The following DPP6 variants were observed in gnomAD, a reference collection of about 807,000 sequenced individuals.
The protein encoded by DPP6 is A-type potassium channel modulatory protein DPP6.
Under a neutral mutation model 122.6 loss-of-function variants are expected in DPP6, and 69 were observed. The observed-to-expected ratio is 0.56, with a 90% CI of 0.46 to 0.69. DPP6 has a LOEUF of 0.69. Ranked by LOEUF, DPP6 falls within the 30% of genes least tolerant of loss-of-function variation. The pLI, the probability that DPP6 is intolerant of heterozygous loss-of-function variation, is 0.00. For synonymous variants in DPP6, 418 were observed against 433.1 expected (o/e 0.97, Z 0.43); for missense variants, 928 against 1,116.9 (o/e 0.83, Z 2.41).
intron 1 of DPP6, among the ~76,000 whole-genome samples, chr7:154,306,571 T>C (rs986846453): frequency 6.6e-6 from 1 of 152,346 alleles, no homozygotes; most frequent in East Asian, 1.9e-4. Context: ...AAGAGCCTCC[T>C]TGAGGACACT....
chr7:154,780,221 T>C (rs1796937879), intron 10 of DPP6, among the ~76,000 whole-genome samples: 1 of 152,212 alleles, frequency 6.6e-6, no homozygotes. Context: ...TGCCGGATCT[T>C]TACTGATGTG....
chr7:154,169,176 A>T (rs1297900896), intron 1 of DPP6, among the ~76,000 whole-genome samples: 1 of 152,136 alleles, frequency 6.6e-6, no homozygotes, highest in Non-Finnish European at 1.5e-5. Flanking sequence ...AGTAAAAAGG[A>T]GAGAAGCTTC....
intron 1 of DPP6, among the ~76,000 whole-genome samples, chr7:154,296,422 GAGA>G (rs761387914): frequency 9.9e-5 from 15 of 152,282 alleles, no homozygotes; most frequent in South Asian, 2.1e-4. Flanking sequence ...GAGACAGTGA[GAGA>G]AGATTTCCTG....
chr7:153,879,800 TAAC>T, the DPP6 span, among the ~76,000 whole-genome samples: 961 of 152,346 alleles, frequency 6.3e-3, 11 homozygotes, highest in African/African-American at 0.022. Flanking sequence ...TCTAGTTTAA[TAAC>T]ACTATTTCAT....
At chr7:154,623,919 A>G (rs1039372846) in intron 5 of DPP6, among the ~76,000 whole-genome samples, 1 of 152,236 alleles carries the variant, frequency 6.6e-6, no homozygotes, top group African/African-American at 2.4e-5. Flanking sequence ...AAAACTATAT[A>G]GAGGGCTGGG....
intron 1 of DPP6, among the ~76,000 whole-genome samples, chr7:154,151,983 C>T (rs930443956): frequency 8.6e-5 from 13 of 151,222 alleles, no homozygotes; most frequent in African/African-American, 2.7e-4. Context: ...CGGCCTGGCA[C>T]GGCCTTTCTT....
intron 1 of DPP6, among the ~76,000 whole-genome samples, chr7:154,427,307 A>G (rs1171670832): frequency 6.6e-6 from 1 of 152,244 alleles, no homozygotes; most frequent in East Asian, 1.9e-4. Flanking sequence ...GTTTTTAACC[A>G]TAGTTTTTGT....
At chr7:154,102,688 T>A (rs1452548544) in intron 1 of DPP6, among the ~76,000 whole-genome samples, 2 of 152,174 alleles carry the variant, frequency 1.3e-5, no homozygotes, top group Non-Finnish European at 2.9e-5. Flanking sequence ...ATCAAAAAAA[T>A]CACAAGAGGA....
intron 8 of DPP6, among the ~76,000 whole-genome samples, chr7:154,745,820 A>T (rs1843011496): frequency 6.6e-6 from 1 of 152,024 alleles, no homozygotes; most frequent in Non-Finnish European, 1.5e-5. Flanking sequence ...CCCTTGGGGG[A>T]GGCCATTAAC....
the DPP6 span, among the ~76,000 whole-genome samples, chr7:153,843,240 G>A: frequency 2.0e-5 from 3 of 150,570 alleles, no homozygotes; most frequent in East Asian, 2.0e-4. Flanking sequence ...ACATACACAC[G>A]CACATACATG....
chr7:154,308,800 A>G (rs1339333891), intron 1 of DPP6, among the ~76,000 whole-genome samples: 2 of 152,252 alleles, frequency 1.3e-5, no homozygotes, highest in African/African-American at 4.8e-5. Context: ...ATGATTTAAA[A>G]TTGAAAAGCA....
chr7:154,806,571 C>A (rs995436998), intron 15 of DPP6, among the ~76,000 whole-genome samples: 1 of 152,202 alleles, frequency 6.6e-6, no homozygotes, highest in African/African-American at 2.4e-5. Context: ...GCGTTTGGAA[C>A]CCAGATAATT....
intron 1 of DPP6, chr7:154,057,459 C>G (rs1017926103): frequency 6.3e-6 from 1 of 157,986 alleles, no homozygotes; most frequent in African/African-American, 2.5e-5. Context: ...ATGAGGTGTT[C>G]AAGAAGAAAG....
At chr7:154,120,730 T>C (rs1404510170) in intron 1 of DPP6, among the ~76,000 whole-genome samples, 4 of 152,228 alleles carry the variant, frequency 2.6e-5, no homozygotes, top group South Asian at 2.1e-4. Context: ...ACAGTACACA[T>C]GAGGAACTCT....
intron 1 of DPP6, among the ~76,000 whole-genome samples, chr7:154,316,706 T>C (rs1429161170): frequency 6.6e-6 from 1 of 152,184 alleles, no homozygotes; most frequent in African/African-American, 2.4e-5. Flanking sequence ...TGTAGAACTT[T>C]TTAATGAGTC....
intron 8 of DPP6, among the ~76,000 whole-genome samples, chr7:154,768,922 T>C (rs1020758446): frequency 4.6e-5 from 7 of 152,326 alleles, no homozygotes; most frequent in African/African-American, 1.7e-4. Context: ...GAGGGAGCTC[T>C]GTGTGTGCGT....
At chr7:153,773,433 A>T in the DPP6 span, among the ~76,000 whole-genome samples, 1 of 151,558 alleles carries the variant, frequency 6.6e-6, no homozygotes, top group African/African-American at 2.4e-5. Context: ...GAACATCTGG[A>T]TTATTCACCA....
At chr7:154,883,196 C>A (rs1036398143) in intron 21 of DPP6, among the ~76,000 whole-genome samples, 1 of 150,474 alleles carries the variant, frequency 6.6e-6, no homozygotes, top group African/African-American at 2.5e-5. Flanking sequence ...CACATACACG[C>A]TCACACATAC....
At chr7:153,884,987 AATATATATATATATATATATAT>A (rs56329841), upstream of DPP6, among the ~76,000 whole-genome samples, 75 of 116,466 alleles carry the variant, frequency 6.4e-4, 2 homozygotes, top group African/African-American at 2.5e-3. Context: ...TCAAAACAAA[AATATATATATATATATATATAT>A]ATATATATAT....
Sources: allele counts gnomAD v4.1 joint callset (sites outside exome capture counted in the v4.1 genomes callset), GRCh38; gene constraint gnomAD v4.1.1; transcripts MANE v1.5; gene names NCBI Gene and HGNC (gene_info 2026-07-23, HGNC 2026-07-21).